The following KIF16B variants were observed in gnomAD, a reference collection of about 807,000 sequenced individuals.
KIF16B encodes the protein kinesin family member 16B, also known as kinesin-like protein KIF16B.
A neutral mutation model predicts 156.3 loss-of-function variants in KIF16B; 98 were observed. The ratio of observed to expected loss-of-function variants is 0.63; its 90% CI spans 0.53 to 0.74. The LOEUF is 0.74. KIF16B is among the 30% of genes least tolerant of loss of function. KIF16B has a pLI of 0.00. For synonymous variants in KIF16B, 564 were observed against 583.7 expected, an observed-to-expected ratio of 0.97 and a Z score of 0.49; for missense variants, 1,421 against 1,606.5, an observed-to-expected ratio of 0.88 and a Z score of 1.97.
At chr20:16,408,195 G>A (rs185503904) in intron 15 of KIF16B, among the ~76,000 whole-genome samples, 13 of 152,184 alleles carry the variant, frequency 8.5e-5, no homozygotes, top group Non-Finnish European at 1.8e-4. Flanking sequence ...AAATAACAAC[G>A]ACAGGGAGCA....
chr20:16,395,513 G>A (rs1207121656), intron 17 of KIF16B, among the ~76,000 whole-genome samples: 2 of 152,088 alleles, frequency 1.3e-5, no homozygotes, highest in African/African-American at 4.8e-5. Flanking sequence ...TTTGGCTTTT[G>A]GTATTCAAAT....
chr20:16,353,183 T>C (rs2064374076), intron 23 of KIF16B, among the ~76,000 whole-genome samples: 1 of 152,190 alleles, frequency 6.6e-6, no homozygotes, highest in African/African-American at 2.4e-5. Context: ...CCTCCTTAAA[T>C]AGCCACTGGT....
intron 17 of KIF16B, among the ~76,000 whole-genome samples, chr20:16,394,912 C>T (rs368611941): frequency 1.3e-4 from 20 of 152,104 alleles, no homozygotes; most frequent in African/African-American, 4.6e-4. Flanking sequence ...TTCTGAAGCC[C>T]TTTCTACATT....
At chr20:16,278,776 T>C (rs2063101891) in intron 25 of KIF16B, among the ~76,000 whole-genome samples, 1 of 152,146 alleles carries the variant, frequency 6.6e-6, no homozygotes, top group Non-Finnish European at 1.5e-5. Context: ...CACCCTAGAC[T>C]CAGGCTCCTG....
intron 15 of KIF16B, among the ~76,000 whole-genome samples, chr20:16,411,721 AC>A (rs1252856581): frequency 6.6e-6 from 1 of 151,956 alleles, no homozygotes; most frequent in Non-Finnish European, 1.5e-5. Flanking sequence ...GGGAATCTGG[AC>A]ATGTGCCGAA....
At chr20:16,412,061 C>T (rs1334402901) in intron 15 of KIF16B, among the ~76,000 whole-genome samples, 1 of 151,410 alleles carries the variant, frequency 6.6e-6, no homozygotes, top group Non-Finnish European at 1.5e-5. Context: ...TAACATTGGG[C>T]ACCTGAAGGA....
chr20:16,431,869 A>G (rs2066509361), intron 12 of KIF16B, among the ~76,000 whole-genome samples: 1 of 142,950 alleles, frequency 7.0e-6, no homozygotes, highest in African/African-American at 2.5e-5. Flanking sequence ...GTGTATATAT[A>G]TATATACATA....
rs139678497 is a variant in KIF16B, at chr20:16,368,722, G to A, written c.3498+1864C>T. On this transcript the variant is annotated intron_variant, in intron 22 of 25. Coordinates refer to ENST00000354981, the MANE Select transcript of KIF16B (RefSeq NM_024704.5). ...AAACTCAGACGCCAGTACGCTCTGCGGGGCACTGCAGGATGCTCTCTCCTC... is the reference window on the plus strand; with the variant it reads ...AAACTCAGACGCCAGTACGCTCTGCAGGGCACTGCAGGATGCTCTCTCCTC... 769 of 985,836 alleles carry A rather than the reference G, an allele frequency of 7.8e-4. 4 individuals are homozygous for A. In the African/African-American group the frequency reaches 0.011, roughly 14 times the overall value. The allele number at this position is 985,836 out of a possible 1,614,324, so 61.1% of individuals were successfully genotyped here. A position where few individuals can be genotyped will look rare whatever the true frequency, so the allele number is the denominator to read the frequency against.
intron 22 of KIF16B, chr20:16,368,081 C>T: frequency 7.5e-7 from 1 of 1,325,086 alleles, no homozygotes; most frequent in Non-Finnish European, 9.7e-7. Flanking sequence ...CAGTAAATGC[C>T]TTTGACTTCC....
In KIF16B at chr20:16,520,350, C is replaced by T. The variant is rs895968173; in HGVS notation, c.232-4686G>A. On this transcript the variant is annotated intron_variant, in intron 3 of 25. Coordinates refer to ENST00000354981, the MANE Select transcript of KIF16B (RefSeq NM_024704.5). ...TGCTTGAGCTTAGTGGGGGGAGGGGCATCCACCATTACTGAGACTCGAGTG... is the reference window on the plus strand; with the variant it reads ...TGCTTGAGCTTAGTGGGGGGAGGGGTATCCACCATTACTGAGACTCGAGTG... 5.3e-5 allele frequency among the ~76,000 whole-genome samples: 8 copies of T among 152,214 alleles called. No individual in the cohort carries two copies. The East Asian group carries it at 1.6e-3, about 30-fold the overall frequency.
chr20:16,309,526 CT>C (rs2063588967), intron 25 of KIF16B, among the ~76,000 whole-genome samples: 1 of 152,188 alleles, frequency 6.6e-6, no homozygotes, highest in South Asian at 2.1e-4. Flanking sequence ...ACAGACTTAA[CT>C]TTTATAACTT....
intron 12 of KIF16B, among the ~76,000 whole-genome samples, chr20:16,482,895 C>T (rs2068019503): frequency 6.6e-6 from 1 of 152,144 alleles, no homozygotes; most frequent in Admixed American, 6.5e-5. Context: ...GGTGAATGAG[C>T]TTGACCTCAC....
intron 15 of KIF16B, among the ~76,000 whole-genome samples, 200 bp from the exon 16 acceptor site, chr20:16,406,656 A>G (rs1392490084): frequency 3.3e-5 from 5 of 152,180 alleles, no homozygotes. Flanking sequence ...TGAGTGTCAC[A>G]ACACACATTA....
intron 12 of KIF16B, among the ~76,000 whole-genome samples, chr20:16,478,416 G>C (rs6043998): frequency 1.3e-5 from 2 of 152,068 alleles, no homozygotes; most frequent in Middle Eastern, 3.4e-3. Flanking sequence ...AGCTAAACAT[G>C]TAATAGTCCC....
rs142085155 is a variant in KIF16B at position 16,374,298 on chromosome 20, G to A, written c.3309C>T (p.Val1103=). The part of the protein sequence containing the change: ...EGKVASSSLP[V]SAEKSHLVPL... ...GAACCAGGTGTGATTTTTCAGCACT[G>A]ACTGGCAAGCTGGAAGAAGCCACCT... The change falls in exon 20 of 26, where the codon GTC becomes GTT. Residue 1103 remains valine (V), a synonymous_variant. Coordinates refer to ENST00000354981, the MANE Select transcript of KIF16B (RefSeq NM_024704.5). 1.2e-4 allele frequency: 198 copies of A among 1,604,032 alleles called. No individual in the cohort carries two copies. The African/African-American group carries it at 2.3e-3, about 19-fold the overall frequency.
At chr20:16,448,259 A>G (rs1429823331) in intron 12 of KIF16B, among the ~76,000 whole-genome samples, 2 of 152,226 alleles carry the variant, frequency 1.3e-5, no homozygotes, top group Non-Finnish European at 2.9e-5. Context: ...AAAGCTGTGC[A>G]CAGTGTCCTA....
chr20:16,489,452 T>G (rs2068220520), intron 12 of KIF16B, among the ~76,000 whole-genome samples: 1 of 151,984 alleles, frequency 6.6e-6, no homozygotes, highest in Admixed American at 6.6e-5. Context: ...ACCCCAGCAC[T>G]TTGGGAGGCC....
intron 12 of KIF16B, among the ~76,000 whole-genome samples, chr20:16,464,472 G>A (rs2067431735): frequency 6.6e-6 from 1 of 152,102 alleles, no homozygotes. Context: ...TCCACCAGAT[G>A]CATTTTAAAA....
intron 10 of KIF16B, among the ~76,000 whole-genome samples, chr20:16,503,716 A>C (rs1214284226): frequency 1.3e-5 from 2 of 152,170 alleles, no homozygotes; most frequent in African/African-American, 4.8e-5. Context: ...AGCCTACCAG[A>C]ACTTTACTTC....
Sources: allele counts gnomAD v4.1 joint callset (sites outside exome capture counted in the v4.1 genomes callset), GRCh38; gene constraint gnomAD v4.1.1; transcripts MANE v1.5; gene names NCBI Gene and HGNC (gene_info 2026-07-23, HGNC 2026-07-21).